The following INPPL1 variants were observed in gnomAD, a reference collection of about 807,000 sequenced individuals.
INPPL1 encodes phosphatidylinositol 3,4,5-trisphosphate 5-phosphatase 2.
A neutral mutation model predicts 139.3 loss-of-function variants in INPPL1; 91 were observed. The observed-to-expected ratio is 0.65, with a 90% CI of 0.55 to 0.78. The LOEUF (loss-of-function observed/expected upper bound fraction) is 0.78, where lower values mean the gene tolerates loss of function less well. Ranked by LOEUF, INPPL1 falls within the 30% of genes least tolerant of loss-of-function variation. INPPL1 has a pLI of 0.00. For synonymous variants in INPPL1, 719 were observed against 686.6 expected (o/e 1.05, Z -0.74); for missense variants, 1,411 against 1,665.6 (o/e 0.85, Z 2.66).
rs904228907 is a variant in INPPL1 at position 72,238,917 on chromosome 11, A to G, written c.*564A>G. ...TGGGGTGGGGCAGGATCTCAGCCATAAAGTGCCAGTTTGCTTAGTTCTCAC... is the reference window on the plus strand; with the variant it reads ...TGGGGTGGGGCAGGATCTCAGCCATGAAGTGCCAGTTTGCTTAGTTCTCAC... On this transcript the variant is annotated 3_prime_UTR_variant, in exon 28 of 28. Coordinates refer to ENST00000298229, the MANE Select transcript of INPPL1 (RefSeq NM_001567.4). The G allele has an allele frequency of 3.3e-5, 5 of 152,624 alleles. No individual in the cohort carries two copies. The highest frequency in any genetic ancestry group is 1.2e-4 in the African/African-American group (5 of 41,356). 9.5% of individuals were successfully genotyped at this position (152,624 alleles called of 1,614,324 possible).
rs1949079103 is a variant in INPPL1, at chr11:72,238,920, G to A, written c.*567G>A. ...GGTGGGGCAGGATCTCAGCCATAAA[G>A]TGCCAGTTTGCTTAGTTCTCACTGT... is the stretch of plus-strand genomic sequence containing the variant. On this transcript the variant is annotated 3_prime_UTR_variant, in exon 28 of 28. Coordinates refer to ENST00000298229, the MANE Select transcript of INPPL1 (RefSeq NM_001567.4). 6.6e-6 allele frequency: 1 copy of A among 152,464 alleles called. No individual in the cohort carries two copies. The highest frequency in any genetic ancestry group is 2.1e-4 in the South Asian group (1 of 4,818). 9.4% of individuals were successfully genotyped at this position (152,464 alleles called of 1,614,324 possible).
chr11:72,230,093 G>A (rs1269616950), intron 8 of INPPL1, 28 bp from the exon 9 acceptor site: 2 of 1,611,812 alleles, frequency 1.2e-6, no homozygotes, highest in African/African-American at 1.3e-5. Context: ...CCAAGGTCTT[G>A]TCAGCAGCCT....
At chr11:72,224,211 C>T (rs905194837), upstream of INPPL1, among the ~76,000 whole-genome samples, 3 of 151,894 alleles carry the variant, frequency 2.0e-5, no homozygotes, top group Non-Finnish European at 4.4e-5. Flanking sequence ...GCCTGGTTAG[C>T]CAGGGAATCT....
In INPPL1 at chr11:72,238,457, T is replaced by G; in HGVS notation, c.*104T>G. 2.2e-6 allele frequency: 2 copies of G among 897,386 alleles called. No individual in the cohort carries two copies. Among genetic ancestry groups the G allele is most frequent in the Non-Finnish European group, 3.2e-6 (2 of 620,470 alleles). The allele number at this position is 897,386 out of a possible 1,614,324, so 55.6% of individuals were successfully genotyped here. On this transcript the variant is annotated 3_prime_UTR_variant, in exon 28 of 28. Coordinates refer to ENST00000298229, the MANE Select transcript of INPPL1 (RefSeq NM_001567.4). Reference sequence around the variant, plus strand: ...GTTATGAGGGTCAGGGCAGTATCTCTCTGCCTATTTATTGGGGTGCCTATT... The same window carrying G: ...GTTATGAGGGTCAGGGCAGTATCTCGCTGCCTATTTATTGGGGTGCCTATT...
chr11:72,230,921 G>A, intron 11 of INPPL1, 23 bp downstream of exon 11: 1 of 1,613,510 alleles, frequency 6.2e-7, no homozygotes, highest in Non-Finnish European at 8.5e-7. Context: ...CTGGGGCTGG[G>A]GCGGGAGAGA....
chr11:72,235,738 G>A lies in INPPL1; in HGVS notation c.2723G>A (p.Gly908Glu), dbSNP rs1433314250. The A allele has an allele frequency of 6.2e-7, 1 of 1,614,138 alleles. No homozygotes were observed. Among genetic ancestry groups the A allele is most frequent in the South Asian group, 1.1e-5 (1 of 91,090 alleles). The part of the protein sequence containing the change: ...AKSKAPSVSR[G>E]SQEPRSGSRK... ...AGCAAAGCCCCCTCTGTGTCCCGAGGGAGCCAGGAGCCCAGGTGAGCTAGG... is the reference window on the plus strand; with the variant it reads ...AGCAAAGCCCCCTCTGTGTCCCGAGAGAGCCAGGAGCCCAGGTGAGCTAGG... The change falls in exon 24 of 28, where the codon GGG (glycine) becomes GAG (glutamate). Residue 908 changes from glycine (G) to glutamate (E), a missense_variant. Gly to Glu is a moderately conservative substitution (Grantham distance 98). Coordinates refer to ENST00000298229, the MANE Select transcript of INPPL1 (RefSeq NM_001567.4). The surrounding 1 kb of genome is among the most constrained non-coding windows in gnomAD (Gnocchi z 4.9).
chr11:72,235,912 A>G lies in INPPL1; in HGVS notation c.2805A>G (p.Pro935=). The G allele has an allele frequency of 6.2e-7, 1 of 1,613,144 alleles. No homozygotes were observed. Among genetic ancestry groups the G allele is most frequent in the South Asian group, 1.1e-5 (1 of 91,058 alleles). The change falls in exon 25 of 28, where the codon CCA becomes CCG. Residue 935 remains proline (P), a synonymous_variant. Transcript: ENST00000298229. This position sits in a 1 kb window ranked among gnomAD's most constrained non-coding sequence, Gnocchi z 4.9. ...SCPLSRLFEE[P]EKPPPTGRPP... is the part of the protein sequence containing the mutation. Reference sequence around the variant, plus strand: ...CGCTCTCCAGGTTATTTGAAGAACCAGAGAAACCGCCACCAACGGGGAGGC... The same window carrying G: ...CGCTCTCCAGGTTATTTGAAGAACCGGAGAAACCGCCACCAACGGGGAGGC...
Position 72,231,191 on chromosome 11 carries a change from T to G in INPPL1, c.1497+2T>G, listed in dbSNP as rs1591277225. ...CTTACGGATCTGGATTACCGCCCGG[T>G]GAGGGGGGGTCATCTTGTCCAGGAC... On this transcript the variant is annotated splice_donor_variant, in intron 12 of 27. Transcript: ENST00000298229. LOFTEE classifies it high-confidence loss of function. 1 of 1,608,714 alleles carries G rather than the reference T, an allele frequency of 6.2e-7. No individual in the cohort carries two copies.
At position 72,237,810 on chromosome 11, in the gene INPPL1, G is replaced by C. The variant is rs762195835; in HGVS notation, c.3552+14G>C. The C allele has an allele frequency of 2.5e-6, 4 of 1,586,366 alleles. No homozygotes were observed. Among genetic ancestry groups the C allele is most frequent in the African/African-American group, 1.3e-5 (1 of 74,430 alleles). On this transcript the variant is annotated intron_variant, in intron 26 of 27. Coordinates refer to ENST00000298229, the MANE Select transcript of INPPL1 (RefSeq NM_001567.4). ...CTGGCAGAGGAGGTGTGTGGAGCAGGGTGGCTGTCTGTGTGTGCCTGAGTG... is the reference window on the plus strand; with the variant it reads ...CTGGCAGAGGAGGTGTGTGGAGCAGCGTGGCTGTCTGTGTGTGCCTGAGTG...
chr11:72,234,463 C>CT lies in INPPL1; in HGVS notation c.2327-63dup. ...GAGGCAAGAGGGTGCAGTCAGCCCCCTACTTAGGGGGAAAGGAAGCTGAGA... is the reference window on the plus strand; with the variant it reads ...GAGGCAAGAGGGTGCAGTCAGCCCCCTTACTTAGGGGGAAAGGAAGCTGAGA... On this transcript the variant is annotated intron_variant, in intron 20 of 27. Coordinates refer to ENST00000298229, the MANE Select transcript of INPPL1 (RefSeq NM_001567.4). This position sits in a 1 kb window ranked among gnomAD's most constrained non-coding sequence, Gnocchi z 4.2. 5 of 1,591,766 alleles carry CT rather than the reference C, an allele frequency of 3.1e-6. No homozygotes were observed. Among genetic ancestry groups the CT allele is most frequent in the Non-Finnish European group, 4.3e-6 (5 of 1,159,754 alleles).
Position 72,228,502 on chromosome 11 carries a change from C to T in INPPL1, c.397+4C>T. On this transcript the variant is annotated splice_donor_region_variant and intron_variant, in intron 3 of 27. Coordinates refer to ENST00000298229, the MANE Select transcript of INPPL1 (RefSeq NM_001567.4). The surrounding 1 kb of genome is among the most constrained non-coding windows in gnomAD (Gnocchi z 5.0). ...CCGGATGACCGGGATGCCTCAGGTA[C>T]TTCCCAGTGTGCAGGTCCCCTCCCT... 2 of 1,605,032 alleles carry T rather than the reference C, an allele frequency of 1.2e-6. No individual in the cohort carries two copies. The highest frequency in any genetic ancestry group is 1.7e-6 in the Non-Finnish European group (2 of 1,179,906).
At chr11:72,227,988 G>GTAAAA in intron 1 of INPPL1, 1 of 429,214 alleles carries the variant, frequency 2.3e-6, no homozygotes, top group Non-Finnish European at 4.2e-6. Context: ...GGGGTGTTCT[G>GTAAAA]GTCATTCCTG....
At position 72,231,009 on chromosome 11, in the gene INPPL1, A is replaced by C; in HGVS notation, c.1317A>C (p.Pro439=). ...CACCTCCAGGAAGTGTACCACCTCC[A>C]AAAAACGTGACATCCTGGTTCACAT... ...GTWNMGSVPP[P]KNVTSWFTSK... Residue 439 remains proline (P), a synonymous_variant, in exon 12 of 28, where the codon CCA becomes CCC. Transcript: ENST00000298229. 6.2e-7 allele frequency: 1 copy of C among 1,613,570 alleles called. No homozygotes were observed. Among genetic ancestry groups the C allele is most frequent in the Non-Finnish European group, 8.5e-7 (1 of 1,179,716 alleles).
At position 72,235,662 on chromosome 11, in the gene INPPL1, C is replaced by G; in HGVS notation, c.2660-13C>G. 6.2e-7 allele frequency: 1 copy of G among 1,613,656 alleles called. No individual in the cohort carries two copies. Among genetic ancestry groups the G allele is most frequent in the South Asian group, 1.1e-5 (1 of 91,060 alleles). On this transcript the variant is annotated splice_polypyrimidine_tract_variant and intron_variant, in intron 23 of 27. Coordinates refer to ENST00000298229, the MANE Select transcript of INPPL1 (RefSeq NM_001567.4). This position sits in a 1 kb window ranked among gnomAD's most constrained non-coding sequence, Gnocchi z 4.9. ...CCCAGGTCTCCTCTGAGTCTCCCTT[C>G]CTGCCCCCTCAGAGTGGATCAGCAT...
Position 72,238,669 on chromosome 11 carries a change from A to T in INPPL1, c.*316A>T. ...GCCCCAGGGGTGCCTGTGGGGGTCC[A>T]TTTGGGTACGTCTGGGCCCCCACTT... is the stretch of plus-strand genomic sequence containing the variant. On this transcript the variant is annotated 3_prime_UTR_variant, in exon 28 of 28. Coordinates refer to ENST00000298229, the MANE Select transcript of INPPL1 (RefSeq NM_001567.4). 4.6e-6 allele frequency: 1 copy of T among 217,870 alleles called. No individual in the cohort carries two copies. Among genetic ancestry groups the T allele is most frequent in the Non-Finnish European group, 9.0e-6 (1 of 110,818 alleles). 13.5% of individuals were successfully genotyped at this position (217,870 alleles called of 1,614,324 possible). A position where few individuals can be genotyped will look rare whatever the true frequency, so the allele number is the denominator to read the frequency against.
Position 72,228,523 on chromosome 11 carries a change from T to G in INPPL1, c.397+25T>G, listed in dbSNP as rs776894351. The G allele has an allele frequency of 5.0e-6, 8 of 1,600,314 alleles. No individual in the cohort carries two copies. In the African/African-American group the frequency reaches 9.4e-5, roughly 19 times the overall value. ...GGTACTTCCCAGTGTGCAGGTCCCC[T>G]CCCTGCCCCTGTCCCTTGGCTCTAC... is the stretch of plus-strand genomic sequence containing the variant. On this transcript the variant is annotated intron_variant, in intron 3 of 27. Transcript: ENST00000298229. The surrounding 1 kb of genome is among the most constrained non-coding windows in gnomAD (Gnocchi z 5.0).
chr11:72,229,683 G>C lies in INPPL1; in HGVS notation c.774G>C (p.Glu258Asp). 1.2e-6 allele frequency: 2 copies of C among 1,614,126 alleles called. No individual in the cohort carries two copies. Among genetic ancestry groups the C allele is most frequent in the Non-Finnish European group, 1.7e-6 (2 of 1,180,022 alleles). ...CCCAGAACCTGCCACAGACAGGGGAGCAGGAACTAGAGAGCCTGGTGCTGA... is the reference window on the plus strand; with the variant it reads ...CCCAGAACCTGCCACAGACAGGGGACCAGGAACTAGAGAGCCTGGTGCTGA... ...LQQQNLPQTG[E>D]QELESLVLKL... Residue 258 changes from glutamate to aspartate, a missense_variant, in exon 7 of 28, where the codon GAG (glutamate) becomes GAC (aspartate). Glu to Asp is a conservative substitution (Grantham distance 45). Transcript: ENST00000298229.
intron 5 of INPPL1, 115 bp downstream of exon 5, chr11:72,229,345 C>A: frequency 1.4e-6 from 2 of 1,406,398 alleles, no homozygotes; most frequent in Non-Finnish European, 2.0e-6. Flanking sequence ...CTAGCCATTG[C>A]CTCTTGACTT....
rs113591795 is a variant in INPPL1 at position 72,234,732 on chromosome 11, A to G, written c.2415+117A>G. ...GGGGCCAGCAGAGAGAGAGAGAGAG[A>G]GTGTGTGTGTGTGTGTGTGTGTGTG... On this transcript the variant is annotated intron_variant, in intron 21 of 27. Coordinates refer to ENST00000298229, the MANE Select transcript of INPPL1 (RefSeq NM_001567.4). The surrounding 1 kb of genome is among the most constrained non-coding windows in gnomAD (Gnocchi z 4.2). 1 of 527,282 alleles carries G rather than the reference A, an allele frequency of 1.9e-6. No individual in the cohort carries two copies. Among genetic ancestry groups the G allele is most frequent in the Non-Finnish European group, 3.4e-6 (1 of 298,242 alleles). The allele number at this position is 527,282 out of a possible 1,614,324, so 32.7% of individuals were successfully genotyped here.
Sources: allele counts gnomAD v4.1 joint callset (sites outside exome capture counted in the v4.1 genomes callset), GRCh38; gene constraint gnomAD v4.1.1; non-coding constraint Gnocchi (gnomAD v3.1); transcripts MANE v1.5; gene names NCBI Gene and HGNC (gene_info 2026-07-23, HGNC 2026-07-21).